DLGAP1: variants seen among roughly 807,000 people sequenced by gnomAD.
The protein encoded by DLGAP1 is disks large-associated protein 1.
A neutral mutation model predicts 90.8 loss-of-function variants in DLGAP1; 11 were observed. That is an observed-to-expected ratio of 0.12 (90% CI 0.08 to 0.20). The LOEUF (loss-of-function observed/expected upper bound fraction) is 0.20, where lower values mean the gene tolerates loss of function less well. Among genes scored for constraint, DLGAP1 ranks in the 10% least tolerant of loss-of-function variants. The probability of loss-of-function intolerance (pLI) is 1.00; values close to 1 mark genes in which losing one functional copy is unlikely to be tolerated. For synonymous variants in DLGAP1, 558 were observed against 540.7 expected (o/e 1.03, Z -0.44); for missense variants, 1,050 against 1,333.8 (o/e 0.79, Z 3.31).
At chr18:3,976,162 C>A (rs1440491213) in intron 3 of DLGAP1, among the ~76,000 whole-genome samples, 1 of 150,844 alleles carries the variant, frequency 6.6e-6, no homozygotes, top group African/African-American at 2.4e-5. Context: ...GCCTGACCAA[C>A]ATGGAGAAAC....
chr18:4,013,311 G>C (rs1360340497), intron 2 of DLGAP1, among the ~76,000 whole-genome samples: 1 of 152,128 alleles, frequency 6.6e-6, no homozygotes, highest in African/African-American at 2.4e-5. Context: ...CCTCAATATA[G>C]AGATAAGGAA....
At chr18:3,926,825 G>C (rs1421805631) in intron 3 of DLGAP1, among the ~76,000 whole-genome samples, 2 of 152,076 alleles carry the variant, frequency 1.3e-5, no homozygotes, top group East Asian at 1.9e-4. Context: ...TGACTAAAAA[G>C]AGCCTGGGCA....
intron 4 of DLGAP1, among the ~76,000 whole-genome samples, chr18:3,849,325 CT>C (rs1189698948): frequency 6.6e-6 from 1 of 152,062 alleles, no homozygotes; most frequent in Non-Finnish European, 1.5e-5. Flanking sequence ...AGAGACTCAC[CT>C]AAGGTTGAGT....
chr18:3,873,737 G>T (rs2070892869), intron 4 of DLGAP1, among the ~76,000 whole-genome samples: 1 of 152,042 alleles, frequency 6.6e-6, no homozygotes, highest in Non-Finnish European at 1.5e-5. Flanking sequence ...GATCTTGTGT[G>T]GTACCTTATT....
At chr18:4,429,032 T>G (rs544435427) in intron 1 of DLGAP1, among the ~76,000 whole-genome samples, 11 of 152,308 alleles carry the variant, frequency 7.2e-5, no homozygotes, top group Admixed American at 1.3e-4. Context: ...ACCAAGGATC[T>G]AAAAGGATTT....
intron 2 of DLGAP1, among the ~76,000 whole-genome samples, chr18:4,069,239 TAGTC>T (rs2075412005): frequency 1.3e-5 from 2 of 152,314 alleles, no homozygotes; most frequent in Admixed American, 6.5e-5. Context: ...ACTTGGTTCA[TAGTC>T]AGTACTTAAT....
At chr18:3,546,467 G>C (rs1311813703) in intron 9 of DLGAP1, among the ~76,000 whole-genome samples, 1 of 149,108 alleles carries the variant, frequency 6.7e-6, no homozygotes, top group African/African-American at 2.5e-5. Flanking sequence ...TACACACAGA[G>C]CATTTAACAA....
At chr18:4,333,815 T>C (rs2081007401) in intron 1 of DLGAP1, among the ~76,000 whole-genome samples, 1 of 151,170 alleles carries the variant, frequency 6.6e-6, no homozygotes, top group African/African-American at 2.4e-5. Context: ...TTATCCAGGA[T>C]GGTCTCTATC....
chr18:3,878,226 A>T (rs1473177587), intron 4 of DLGAP1: 2 of 152,080 alleles, frequency 1.3e-5, no homozygotes, highest in Non-Finnish European at 2.9e-5. Context: ...ACTCTGAAAA[A>T]GGAAAAGATG....
intron 2 of DLGAP1, among the ~76,000 whole-genome samples, chr18:4,090,501 C>A (rs971570202): frequency 6.6e-6 from 1 of 152,230 alleles, no homozygotes; most frequent in Non-Finnish European, 1.5e-5. Context: ...AGAAGCTCAA[C>A]ATCCCTGTTC....
rs1482993113 is a variant in DLGAP1 at position 3,526,229 on chromosome 18, C to A, written c.2479+7965G>T. 6.6e-6 allele frequency among the ~76,000 whole-genome samples: 1 copy of A among 152,160 alleles called. No individual in the cohort carries two copies. The highest frequency in any genetic ancestry group is 2.4e-5 in the African/African-American group (1 of 41,426). On this transcript the variant is annotated intron_variant, in intron 10 of 12. Transcript: ENST00000315677. This position sits in a 1 kb window ranked among gnomAD's most constrained non-coding sequence, Gnocchi z 4.7. ...GCAGCCATTGCTCCCCACTTAGAAA[C>A]ACACACGGGCTGGAGGCAGATGAAT...
chr18:3,631,615 C>T (rs1054202323), intron 7 of DLGAP1, among the ~76,000 whole-genome samples: 13 of 151,762 alleles, frequency 8.6e-5, no homozygotes, highest in African/African-American at 2.7e-4. Flanking sequence ...GGCATGGTGG[C>T]GTGTGCCTAT....
intron 7 of DLGAP1, among the ~76,000 whole-genome samples, chr18:3,651,685 T>C (rs1316377895): frequency 6.6e-6 from 1 of 150,504 alleles, no homozygotes; most frequent in Non-Finnish European, 1.5e-5. Flanking sequence ...TCCCAGCACT[T>C]TGGGAGGCCG....
At chr18:4,219,027 GTTTTT>G (rs34333673) in intron 1 of DLGAP1, among the ~76,000 whole-genome samples, 2,442 of 92,044 alleles carry the variant, frequency 0.027, 30 homozygotes, top group African/African-American at 0.043. Context: ...TTCTATCTTT[GTTTTT>G]TTTTTTTTTT....
At chr18:4,330,344 T>C (rs1432850295) in intron 1 of DLGAP1, among the ~76,000 whole-genome samples, 1 of 151,816 alleles carries the variant, frequency 6.6e-6, no homozygotes, top group Non-Finnish European at 1.5e-5. Context: ...TTTTTACTGT[T>C]CTTCTGTTTC....
intron 1 of DLGAP1, among the ~76,000 whole-genome samples, chr18:4,233,129 A>C (rs1008904337): frequency 1.3e-5 from 2 of 152,188 alleles, no homozygotes; most frequent in Non-Finnish European, 2.9e-5. Flanking sequence ...TTAACATTCT[A>C]CATGATCAAA....
intron 5 of DLGAP1, among the ~76,000 whole-genome samples, chr18:3,769,408 G>A (rs1050766735): frequency 6.6e-6 from 1 of 152,152 alleles, no homozygotes; most frequent in Non-Finnish European, 1.5e-5. Context: ...ATTTGTCTTA[G>A]AGAAATGAAG....
At chr18:3,916,234 C>T (rs945505499) in intron 3 of DLGAP1, among the ~76,000 whole-genome samples, 1 of 152,144 alleles carries the variant, frequency 6.6e-6, no homozygotes, top group Non-Finnish European at 1.5e-5. Context: ...GTTGCACCAG[C>T]CAAATCTGTT....
At chr18:4,164,525 C>T (rs2076901183) in intron 1 of DLGAP1, among the ~76,000 whole-genome samples, 1 of 151,840 alleles carries the variant, frequency 6.6e-6, no homozygotes, top group African/African-American at 2.4e-5. Context: ...ACTAAAAATA[C>T]AAAAATTAGC....
Sources: allele counts gnomAD v4.1 joint callset (sites outside exome capture counted in the v4.1 genomes callset), GRCh38; gene constraint gnomAD v4.1.1; non-coding constraint Gnocchi (gnomAD v3.1); transcripts MANE v1.5; gene names NCBI Gene and HGNC (gene_info 2026-07-23, HGNC 2026-07-21).